Variants in TOLLIP observed in about 807,000 individuals in gnomAD.
The protein encoded by TOLLIP is toll interacting protein, also known as toll-interacting protein.
Under a neutral mutation model 33.5 loss-of-function variants are expected in TOLLIP, and 16 were observed. The ratio of observed to expected loss-of-function variants is 0.48; its 90% confidence interval spans 0.32 to 0.72. The LOEUF (loss-of-function observed/expected upper bound fraction) is 0.72. Ranked by LOEUF, TOLLIP falls within the 30% of genes least tolerant of loss-of-function variation. TOLLIP has a pLI of 0.03. For missense variants in TOLLIP, 325 were observed against 396.6 expected (o/e 0.82, Z 1.53); for synonymous variants, 176 against 163.7 (o/e 1.07, Z -0.57).
chr11:1,277,317 T>G lies in TOLLIP; in HGVS notation c.611-64A>C. On this transcript the variant is annotated intron_variant, in intron 5 of 5. Coordinates refer to ENST00000317204, the MANE Select transcript of TOLLIP (RefSeq NM_019009.4). The surrounding 1 kb of genome is among the most constrained non-coding windows in gnomAD (Gnocchi z 4.2). Reference sequence around the variant, plus strand: ...GTTCCAGAAGTGCCACACTAGCTCCTGCTGAAGGAAGAAAACAACGCATCC... The same window carrying G: ...GTTCCAGAAGTGCCACACTAGCTCCGGCTGAAGGAAGAAAACAACGCATCC... 1.5e-6 allele frequency: 2 copies of G among 1,339,010 alleles called. No individual in the cohort carries two copies. Among genetic ancestry groups the G allele is most frequent in the Non-Finnish European group, 1.0e-6 (1 of 991,964 alleles). The allele number at this position is 1,339,010 out of a possible 1,614,324, so 82.9% of individuals were successfully genotyped here.
Position 1,290,449 on chromosome 11 carries a change from A to G in TOLLIP, c.184-40T>C, listed in dbSNP as rs2133905480. 2 of 1,597,538 alleles carry G rather than the reference A, an allele frequency of 1.3e-6. No homozygotes were observed. The highest frequency in any genetic ancestry group is 1.7e-6 in the Non-Finnish European group (2 of 1,167,222). ...ATGTCAGGAAAAGGAGGTGCCAACC[A>G]TCAGGAGAGGGTGGGTTCTCTAGGC... On this transcript the variant is annotated intron_variant, in intron 2 of 5. Coordinates refer to ENST00000317204, the MANE Select transcript of TOLLIP (RefSeq NM_019009.4). This position sits in a 1 kb window ranked among gnomAD's most constrained non-coding sequence, Gnocchi z 4.9.
At chr11:1,281,824 G>A (rs564506933) in intron 5 of TOLLIP, among the ~76,000 whole-genome samples, 2 of 152,358 alleles carry the variant, frequency 1.3e-5, no homozygotes, top group Admixed American at 1.3e-4. Context: ...TGGCCAAGAT[G>A]CACTTTGAGA....
chr11:1,289,359 C>T (rs1374028391), intron 3 of TOLLIP, among the ~76,000 whole-genome samples: 1 of 152,242 alleles, frequency 6.6e-6, no homozygotes, highest in Non-Finnish European at 1.5e-5. Context: ...CCCCGGCCCC[C>T]ACCCAGTCTC....
intron 2 of TOLLIP, among the ~76,000 whole-genome samples, chr11:1,292,828 A>G (rs1863993254): frequency 6.6e-6 from 1 of 152,334 alleles, no homozygotes. Flanking sequence ...CACTGCAGGG[A>G]GTGACCAGCT....
rs147955595 is a variant in TOLLIP at position 1,304,898 on chromosome 11, G to A, written c.33+4568C>T. ...CATCTAGGCATCTCTTAACTAGAAA[G>A]ATGAAACTAGCGCATTCCCATCAAA... On this transcript the variant is annotated intron_variant, in intron 1 of 5. Coordinates refer to ENST00000317204, the MANE Select transcript of TOLLIP (RefSeq NM_019009.4). Among the ~76,000 whole-genome samples, 235 of 152,376 alleles carry A rather than the reference G, an allele frequency of 1.5e-3. 4 individuals carry two copies. The highest frequency in any genetic ancestry group is 5.4e-3 in the African/African-American group (223 of 41,590).
intron 5 of TOLLIP, among the ~76,000 whole-genome samples, chr11:1,281,058 GAT>G (rs1230880680): frequency 6.6e-6 from 1 of 152,248 alleles, no homozygotes; most frequent in Non-Finnish European, 1.5e-5. Flanking sequence ...GCGGTCTCCA[GAT>G]GCTTCACGCC....
intron 1 of TOLLIP, among the ~76,000 whole-genome samples, chr11:1,301,047 G>A (rs893445046): frequency 8.5e-5 from 13 of 152,256 alleles, no homozygotes; most frequent in East Asian, 7.7e-4. Context: ...TAAGTCGAAC[G>A]AAGTTCAATT....
chr11:1,290,608 G>A lies in TOLLIP; in HGVS notation c.184-199C>T, dbSNP rs886827215. On this transcript the variant is annotated intron_variant, in intron 2 of 5. Coordinates refer to ENST00000317204, the MANE Select transcript of TOLLIP (RefSeq NM_019009.4). This position sits in a 1 kb window ranked among gnomAD's most constrained non-coding sequence, Gnocchi z 4.9. ...AAGAAGAGTGAGCCACAGATGGATCGTGCAGTTCTGAGACAAAGCACGTGG... is the reference window on the plus strand; with the variant it reads ...AAGAAGAGTGAGCCACAGATGGATCATGCAGTTCTGAGACAAAGCACGTGG... 6.6e-6 allele frequency among the ~76,000 whole-genome samples: 1 copy of A among 152,200 alleles called. No individual in the cohort carries two copies. The highest frequency in any genetic ancestry group is 2.4e-5 in the African/African-American group (1 of 41,448).
At chr11:1,302,654 CA>C in intron 1 of TOLLIP, 1 of 987,758 alleles carries the variant, frequency 1.0e-6, no homozygotes, top group Non-Finnish European at 1.2e-6. Flanking sequence ...TGACACTCCC[CA>C]AAACCCACTC....
chr11:1,284,314 T>C (rs1330372527), intron 5 of TOLLIP, among the ~76,000 whole-genome samples: 1 of 152,072 alleles, frequency 6.6e-6, no homozygotes, highest in Non-Finnish European at 1.5e-5. Flanking sequence ...CTTTCCTCGG[T>C]GACGGGGTGC....
At position 1,277,478 on chromosome 11, in the gene TOLLIP, C is replaced by T. The variant is rs41307082; in HGVS notation, c.611-225G>A. Among the ~76,000 whole-genome samples the T allele has an allele frequency of 1.2e-4, 19 of 152,270 alleles. No individual in the cohort carries two copies. Among genetic ancestry groups the T allele is most frequent in the South Asian group, 8.3e-4 (4 of 4,826 alleles). On this transcript the variant is annotated intron_variant, in intron 5 of 5. Coordinates refer to ENST00000317204, the MANE Select transcript of TOLLIP (RefSeq NM_019009.4). This position sits in a 1 kb window ranked among gnomAD's most constrained non-coding sequence, Gnocchi z 4.2. ...AAGGTGGGCAGGGCCCTCTGTGACG[C>T]CTCCTTCACTAACTCATCTTCCTTC...
chr11:1,276,875 C>T lies in TOLLIP; in HGVS notation c.*164G>A, dbSNP rs1477636055. 6.5e-7 allele frequency: 1 copy of T among 1,543,830 alleles called. No individual in the cohort carries two copies. The highest frequency in any genetic ancestry group is 1.9e-5 in the Admixed American group (1 of 51,482). ...TCCTGGACCGCCAGGAACCGAAAAC[C>T]CACATGCACCCAAGAACAGGTGTGG... On this transcript the variant is annotated 3_prime_UTR_variant, in exon 6 of 6. Transcript: ENST00000317204.
chr11:1,309,401 G>C (rs1279239093), intron 1 of TOLLIP, 65 bp downstream of exon 1: 2 of 980,740 alleles, frequency 2.0e-6, no homozygotes, highest in East Asian at 7.3e-5. Flanking sequence ...CAGTAGCCCT[G>C]ACCCAAGGCC....
intron 3 of TOLLIP, 130 bp from the exon 4 acceptor site, chr11:1,288,906 A>T: frequency 1.0e-6 from 1 of 998,854 alleles, no homozygotes. Flanking sequence ...CTGCACCAAC[A>T]CCCCATCGAT....
intron 4 of TOLLIP, among the ~76,000 whole-genome samples, chr11:1,288,408 C>T (rs980489601): frequency 1.6e-3 from 244 of 152,342 alleles, no homozygotes; most frequent in African/African-American, 5.6e-3. Flanking sequence ...GCTGTTTCCC[C>T]AGACAGAGAA....
At chr11:1,292,983 C>T (rs1220723545) in intron 2 of TOLLIP, among the ~76,000 whole-genome samples, 1 of 152,208 alleles carries the variant, frequency 6.6e-6, no homozygotes, top group Non-Finnish European at 1.5e-5. Context: ...GGACAGTGCC[C>T]ACGAGAAAGG....
At chr11:1,288,824 C>T in intron 3 of TOLLIP, 48 bp from the exon 4 acceptor site, 1 of 1,583,506 alleles carries the variant, frequency 6.3e-7, no homozygotes, top group South Asian at 1.1e-5. Flanking sequence ...GAAGGGGCCA[C>T]CCTGCCCCTG....
chr11:1,298,593 G>C (rs924842335), intron 1 of TOLLIP: 1 of 152,214 alleles, frequency 6.6e-6, no homozygotes, highest in African/African-American at 2.4e-5. Context: ...ATATCCAAAG[G>C]CCTAATGATC....
intron 2 of TOLLIP, among the ~76,000 whole-genome samples, chr11:1,295,059 G>A (rs1384380741): frequency 1.3e-5 from 2 of 151,900 alleles, no homozygotes; most frequent in Non-Finnish European, 2.9e-5. Flanking sequence ...CTCACAGTGT[G>A]TCTCCTTTCC....
Sources: gnomAD v4.1 joint callset for allele counts (sites outside exome capture counted in the v4.1 genomes callset) on GRCh38, gnomAD v4.1.1 for gene constraint, Gnocchi (gnomAD v3.1) non-coding constraint, MANE v1.5 for transcripts, NCBI Gene and HGNC (gene_info 2026-07-23, HGNC 2026-07-21) for gene names.